Variants in TSHZ3 observed in about 807,000 individuals in gnomAD.
TSHZ3 encodes teashirt zinc finger homeobox 3.
In TSHZ3, 10 loss-of-function variants were observed where a neutral mutation model predicts 64.5. That is an observed-to-expected ratio of 0.16 (90% CI 0.10 to 0.26). The LOEUF (loss-of-function observed/expected upper bound fraction) is 0.26, where lower values mean the gene tolerates loss of function less well. Among genes scored for constraint, TSHZ3 ranks in the 10% least tolerant of loss-of-function variants. TSHZ3 has a pLI of 1.00. For synonymous variants in TSHZ3, 608 were observed against 593.1 expected (o/e 1.03, Z -0.36); for missense variants, 1,242 against 1,421.7 (o/e 0.87, Z 2.03).
At chr19:31,256,866 C>G (rs894294960) in intron 1 of TSHZ3, among the ~76,000 whole-genome samples, 1 of 152,188 alleles carries the variant, frequency 6.6e-6, no homozygotes, top group African/African-American at 2.4e-5. Flanking sequence ...ATCTCCATCC[C>G]ACAGCATTGT....
chr19:31,240,481 G>A (rs189727809), intron 3 of TSHZ3, among the ~76,000 whole-genome samples: 11 of 152,134 alleles, frequency 7.2e-5, no homozygotes, highest in East Asian at 1.9e-4. Context: ...ATTTGTTTCC[G>A]CATTTAATCT....
downstream of TSHZ3, among the ~76,000 whole-genome samples, chr19:31,272,401 CCT>C (rs1224730352): frequency 2.0e-5 from 3 of 152,100 alleles, no homozygotes; most frequent in Admixed American, 1.3e-4. Context: ...GGACACACAA[CCT>C]CTGTCTGAGC....
At chr19:31,254,894 C>T (rs139089984) in intron 1 of TSHZ3, among the ~76,000 whole-genome samples, 1 of 152,216 alleles carries the variant, frequency 6.6e-6, no homozygotes, top group Non-Finnish European at 1.5e-5. Context: ...CAAGGAAGGA[C>T]TGCAGCATCT....
At chr19:31,333,375 C>T (rs1397057205) in intron 1 of TSHZ3, among the ~76,000 whole-genome samples, 6 of 152,112 alleles carry the variant, frequency 3.9e-5, no homozygotes, top group Non-Finnish European at 8.8e-5. Flanking sequence ...CGCTCCCACT[C>T]AGCTCTTGTG....
chr19:31,161,386 A>C lies in TSHZ3; in HGVS notation n.810-4969T>G, dbSNP rs139747496. Among the ~76,000 whole-genome samples, 976 of 152,328 alleles carry C rather than the reference A, an allele frequency of 6.4e-3. 2 individuals carry two copies. Among genetic ancestry groups the C allele is most frequent in the Non-Finnish European group, 0.01 (710 of 68,034 alleles). ...AGAACAACATATTTTAGACAAATAA[A>C]TAATTGAGATTTTAAACAGAAGTAC... is the stretch of plus-strand genomic sequence containing the variant. On this transcript the variant is annotated intron_variant and non_coding_transcript_variant, in intron 5 of 6. Transcript: ENST00000651361.
At chr19:31,309,239 T>C (rs16965443) in intron 1 of TSHZ3, among the ~76,000 whole-genome samples, 7,107 of 152,284 alleles carry the variant, frequency 0.047, 456 homozygotes, top group African/African-American at 0.12. Flanking sequence ...CCACAGGATA[T>C]GGGCTAACCC....
intron 5 of TSHZ3, among the ~76,000 whole-genome samples, chr19:31,169,856 G>A (rs10404646): frequency 0.7 from 106,814 of 151,970 alleles, 37,760 homozygotes; most frequent in Non-Finnish European, 0.74. Flanking sequence ...ATTGTCCCAG[G>A]TTTTCATGCC....
At chr19:31,323,544 C>T (rs1916839414) in intron 1 of TSHZ3, among the ~76,000 whole-genome samples, 1 of 152,018 alleles carries the variant, frequency 6.6e-6, no homozygotes, top group Admixed American at 6.6e-5. Flanking sequence ...TGTTGTTCAC[C>T]TCTACACAGC....
At chr19:31,186,915 G>A (rs1974819251) in intron 5 of TSHZ3, among the ~76,000 whole-genome samples, 1 of 150,780 alleles carries the variant, frequency 6.6e-6, no homozygotes, top group Admixed American at 6.6e-5. Flanking sequence ...TTACTGAGTT[G>A]TATGAATTCC....
intron 1 of TSHZ3, among the ~76,000 whole-genome samples, chr19:31,282,892 G>A (rs115523994): frequency 0.012 from 1,869 of 152,284 alleles, 45 homozygotes; most frequent in African/African-American, 0.041. Context: ...GGTTTCTGAG[G>A]GTTCTTTCAA....
intron 1 of TSHZ3, among the ~76,000 whole-genome samples, chr19:31,301,035 G>A (rs568537626): frequency 2.0e-5 from 3 of 152,220 alleles, no homozygotes; most frequent in South Asian, 4.1e-4. Flanking sequence ...CATTTCAGGA[G>A]CAAAATCCTT....
intron 1 of TSHZ3, among the ~76,000 whole-genome samples, chr19:31,268,754 G>A (rs1168803195): frequency 6.6e-6 from 1 of 152,170 alleles, no homozygotes; most frequent in Admixed American, 6.5e-5. Flanking sequence ...TTCTTGGGTT[G>A]CCAAAATATA....
chr19:31,202,946 C>T (rs1306073575), intron 5 of TSHZ3, among the ~76,000 whole-genome samples: 3 of 152,024 alleles, frequency 2.0e-5, no homozygotes, highest in African/African-American at 7.3e-5. Flanking sequence ...AGACACCGAA[C>T]TAGACCAATA....
chr19:31,298,685 C>T (rs1239753134), intron 1 of TSHZ3, among the ~76,000 whole-genome samples: 2 of 151,952 alleles, frequency 1.3e-5, no homozygotes, highest in Non-Finnish European at 2.9e-5. Flanking sequence ...CGAGAAGGAG[C>T]GAGAGCCGTC....
chr19:31,318,297 T>C (rs1054481891), intron 1 of TSHZ3, among the ~76,000 whole-genome samples: 2 of 152,218 alleles, frequency 1.3e-5, no homozygotes, highest in Non-Finnish European at 2.9e-5. Flanking sequence ...ACAGATAATA[T>C]GGCAATTCAC....
intron 4 of TSHZ3, among the ~76,000 whole-genome samples, chr19:31,220,136 A>T (rs957861356): frequency 2.6e-5 from 4 of 152,180 alleles, no homozygotes; most frequent in African/African-American, 9.7e-5. Flanking sequence ...AAAAATGGAG[A>T]GATAGATTTA....
intron 1 of TSHZ3, among the ~76,000 whole-genome samples, chr19:31,341,089 C>G (rs192242817): frequency 2.0e-5 from 3 of 152,218 alleles, no homozygotes; most frequent in African/African-American, 7.2e-5. Flanking sequence ...AACTGCCAAG[C>G]TGACCCTGAG....
At chr19:31,226,932 A>G (rs1227103736) in intron 4 of TSHZ3, among the ~76,000 whole-genome samples, 1 of 143,298 alleles carries the variant, frequency 7.0e-6, no homozygotes, top group Non-Finnish European at 1.5e-5. Flanking sequence ...TATCCCTTGC[A>G]GATACTTTTT....
At chr19:31,198,551 C>A (rs1975026626) in intron 5 of TSHZ3, among the ~76,000 whole-genome samples, 1 of 152,064 alleles carries the variant, frequency 6.6e-6, no homozygotes, top group African/African-American at 2.4e-5. Context: ...AAGAAAAGTA[C>A]TCCTGATACT....
Sources: allele counts gnomAD v4.1 joint callset (sites outside exome capture counted in the v4.1 genomes callset), GRCh38; gene constraint gnomAD v4.1.1; transcripts MANE v1.5; gene names NCBI Gene and HGNC (gene_info 2026-07-23, HGNC 2026-07-21).